EXOC7: variants seen among roughly 807,000 people sequenced by gnomAD.
EXOC7 encodes the protein exocyst complex component 7.
Under a neutral mutation model 87.6 loss-of-function variants are expected in EXOC7, and 51 were observed. That is an observed-to-expected ratio of 0.58 (90% CI 0.46 to 0.73). The LOEUF is 0.73. EXOC7 is among the 30% of genes least tolerant of loss of function. The probability of loss-of-function intolerance (pLI) is 0.00; values close to 1 mark genes in which losing one functional copy is unlikely to be tolerated. For synonymous variants in EXOC7, 327 were observed against 357.1 expected (o/e 0.92, Z 0.95); for missense variants, 744 against 888.4 (o/e 0.84, Z 2.07).
intron 2 of EXOC7, among the ~76,000 whole-genome samples, chr17:76,102,813 T>G (rs935127633): frequency 9.2e-5 from 14 of 152,114 alleles, no homozygotes; most frequent in African/African-American, 2.9e-4. Flanking sequence ...CATATGACCT[T>G]CACAGACACA....
Position 76,103,640 on chromosome 17 carries a change from A to C in EXOC7, c.53T>G (p.Leu18Arg), listed in dbSNP as rs1311297065. ...SARRREIEDK[L>R]KQEEETLSFI... ...CCCCAGGCCCACGCCCACCTGCTTC[A>C]GCTTGTCCTCAATCTCCCGCCGTCG... The change falls in exon 1 of 19, where the codon CTG (leucine) becomes CGG (arginine). Residue 18 changes from leucine to arginine, a missense_variant. Leu to Arg is a moderately radical substitution (Grantham distance 102). Transcript: ENST00000589210. 4 of 1,612,364 alleles carry C rather than the reference A, an allele frequency of 2.5e-6. No homozygotes were observed. The highest frequency in any genetic ancestry group is 3.4e-6 in the Non-Finnish European group (4 of 1,179,638).
chr17:76,096,272 C>G (rs961466557), intron 5 of EXOC7, among the ~76,000 whole-genome samples: 1 of 152,110 alleles, frequency 6.6e-6, no homozygotes, highest in African/African-American at 2.4e-5. Flanking sequence ...CCAGAACTTA[C>G]AGAGGCCGAG....
intron 12 of EXOC7, chr17:76,086,826 G>A (rs763457970): frequency 1.3e-6 from 2 of 1,549,592 alleles, no homozygotes; most frequent in African/African-American, 1.4e-5. Context: ...AGAGGGACAG[G>A]AGGGGGCTGC....
Position 76,082,430 on chromosome 17 carries a change from G to C in EXOC7, c.*1218C>G. ...CCGCTCATGTTGAGGGGACCTTGAAGAACAGCTCCTTTCCCTGTATCTCTC... is the reference window on the plus strand; with the variant it reads ...CCGCTCATGTTGAGGGGACCTTGAACAACAGCTCCTTTCCCTGTATCTCTC... On this transcript the variant is annotated 3_prime_UTR_variant, in exon 19 of 19. Transcript: ENST00000589210. 6.4e-7 allele frequency: 1 copy of C among 1,563,866 alleles called. No individual in the cohort carries two copies. The highest frequency in any genetic ancestry group is 2.3e-5 in the East Asian group (1 of 44,276).
rs1006440770 is a variant in EXOC7, at chr17:76,082,271, C to T, written c.*1377G>A. ...CCAGGTGACCTCAATCCCCTGATAA[C>T]CCATGCCTTGCACAGCCTAAGAGGG... On this transcript the variant is annotated 3_prime_UTR_variant, in exon 19 of 19. Coordinates refer to ENST00000589210, the MANE Select transcript of EXOC7 (RefSeq NM_001013839.4). 1.0e-5 allele frequency: 8 copies of T among 778,776 alleles called. No individual in the cohort carries two copies. Among genetic ancestry groups the T allele is most frequent in the Admixed American group, 3.0e-5 (1 of 33,420 alleles). 48.2% of individuals were successfully genotyped at this position (778,776 alleles called of 1,614,324 possible).
chr17:76,092,291 G>GTTTTTTTTT (rs71363610), intron 6 of EXOC7: 2 of 101,420 alleles, frequency 2.0e-5, no homozygotes, highest in African/African-American at 8.6e-5. Context: ...CAATTAGCTT[G>GTTTTTTTTT]TTTTTTTTTT....
intron 6 of EXOC7, chr17:76,091,489 G>T (rs958682800): frequency 4.1e-6 from 2 of 486,070 alleles, no homozygotes; most frequent in African/African-American, 2.0e-5. Context: ...AAGGACAGAG[G>T]GTAATGAAGA....
rs141724395 is a variant in EXOC7 at position 76,086,117 on chromosome 17, G to A, written c.1458C>T (p.Ser486=). The A allele has an allele frequency of 6.2e-7, 1 of 1,613,912 alleles. No individual in the cohort carries two copies. Among genetic ancestry groups the A allele is most frequent in the Non-Finnish European group, 8.5e-7 (1 of 1,180,038 alleles). The part of the protein sequence containing the change: ...QETSSSATSY[S]SEFSKRLLST... The stretch of plus-strand genomic sequence containing the variant: ...TTAGCAGCCGCTTGCTGAACTCAGA[G>A]CTGTAGCTGGTGGCCGAAGAGCTGG... Residue 486 remains serine, a synonymous_variant, in exon 13 of 19, where the codon AGC becomes AGT. Transcript: ENST00000589210.
chr17:76,090,567 C>T (rs2067433602), intron 7 of EXOC7: 2 of 1,319,018 alleles, frequency 1.5e-6, no homozygotes, highest in Non-Finnish European at 2.1e-6. Context: ...CCTCAAGCCA[C>T]CTTGGGAACA....
intron 12 of EXOC7, among the ~76,000 whole-genome samples, chr17:76,087,089 TAG>T (rs2067245921): frequency 6.6e-6 from 1 of 152,002 alleles, no homozygotes; most frequent in Non-Finnish European, 1.5e-5. Context: ...CCCTGGAAAG[TAG>T]AGAGCTGAGA....
rs769290492 is a variant in EXOC7, at chr17:76,091,228, G to C, written c.816C>G (p.Ile272Met). ...TKKPVKRPGT[I>M]RKAQNLLKQY... ...GTTTCAGAAGGTTCTGAGCCTTACG[G>C]ATCGTCCCTGTCACCAGAGCCACAC... is the stretch of plus-strand genomic sequence containing the variant. Residue 272 changes from isoleucine (I) to methionine (M), a missense_variant, in exon 7 of 19, where the codon ATC (isoleucine) becomes ATG (methionine). Ile to Met is a conservative substitution (Grantham distance 10, BLOSUM62 1). Around this residue, in one of 3 missense-constraint regions of EXOC7, gnomAD observed 512 missense variants for 573.0 expected, o/e 0.89. Coordinates refer to ENST00000589210, the MANE Select transcript of EXOC7 (RefSeq NM_001013839.4). 6.2e-7 allele frequency: 1 copy of C among 1,614,044 alleles called. No homozygotes were observed. The highest frequency in any genetic ancestry group is 8.5e-7 in the Non-Finnish European group (1 of 1,179,968).
At chr17:76,103,290 A>AC in intron 2 of EXOC7, 71 bp downstream of exon 2, 1 of 1,438,462 alleles carries the variant, frequency 7.0e-7, no homozygotes, top group Non-Finnish European at 9.5e-7. Flanking sequence ...AGGAACCGGA[A>AC]CCGCCAGGTC....
chr17:76,083,854 G>A (rs921355622), intron 18 of EXOC7, 104 bp from the exon 19 acceptor site: 16 of 1,493,728 alleles, frequency 1.1e-5, no homozygotes, highest in South Asian at 3.5e-5. Context: ...GGCCCTGAGC[G>A]ATTCCCTGTC....
intron 7 of EXOC7, 74 bp from the exon 8 acceptor site, chr17:76,089,394 C>T (rs1194168828): frequency 6.3e-7 from 1 of 1,578,234 alleles, no homozygotes; most frequent in African/African-American, 1.3e-5. Flanking sequence ...GCGTGGGTCC[C>T]CCAGCTCCTG....
intron 12 of EXOC7, among the ~76,000 whole-genome samples, chr17:76,086,496 A>T (rs2067218145): frequency 6.6e-6 from 1 of 152,128 alleles, no homozygotes; most frequent in Non-Finnish European, 1.5e-5. Flanking sequence ...GAGTCTTAGA[A>T]TGGGCTCCCC....
In EXOC7 at chr17:76,081,766, C is replaced by A. The variant is rs763816558; in HGVS notation, c.*1882G>T. 5 of 1,614,018 alleles carry A rather than the reference C, an allele frequency of 3.1e-6. 1 individual carries two copies. The Admixed American group carries it at 8.3e-5, about 27-fold the overall frequency. On this transcript the variant is annotated 3_prime_UTR_variant, in exon 19 of 19. Transcript: ENST00000589210. ...GCAACCCACTGCTCAGTAAGCCCTG[C>A]TCCCTTACCCAGTCTGCCCTGTTTC...
intron 12 of EXOC7, 60 bp downstream of exon 12, chr17:76,087,594 C>T: frequency 6.6e-7 from 1 of 1,509,530 alleles, no homozygotes; most frequent in Non-Finnish European, 9.0e-7. Context: ...GCCCTCTAAC[C>T]CCATGTCTCC....
Position 76,082,674 on chromosome 17 carries a change from A to G in EXOC7, c.*974T>C. ...TGTAAAGGGGCAGGGCCTGGGCTGC[A>G]CACCTTAGGATGAAGTTTGCTTTCC... On this transcript the variant is annotated 3_prime_UTR_variant, in exon 19 of 19. Coordinates refer to ENST00000589210, the MANE Select transcript of EXOC7 (RefSeq NM_001013839.4). The G allele has an allele frequency of 6.3e-7, 1 of 1,582,974 alleles. No homozygotes were observed. The highest frequency in any genetic ancestry group is 1.1e-5 in the South Asian group (1 of 87,098).
chr17:76,089,324 G>A lies in EXOC7; in HGVS notation c.902-4C>T. On this transcript the variant is annotated splice_region_variant and splice_polypyrimidine_tract_variant and intron_variant, in intron 7 of 18. Transcript: ENST00000589210. ...ACGTCCAGCATGTCATCTCTCCCTGGGGGATGGCACAACTCTTGAGCTGCT... is the reference window on the plus strand; with the variant it reads ...ACGTCCAGCATGTCATCTCTCCCTGAGGGATGGCACAACTCTTGAGCTGCT... 3.7e-6 allele frequency: 6 copies of A among 1,613,818 alleles called. No individual in the cohort carries two copies. The highest frequency in any genetic ancestry group is 5.1e-6 in the Non-Finnish European group (6 of 1,179,910).
Sources: gnomAD v4.1 joint callset for allele counts (sites outside exome capture counted in the v4.1 genomes callset) on GRCh38, gnomAD v4.1.1 for gene constraint, gnomAD v4.1.1 regional missense constraint, MANE v1.5 for transcripts, NCBI Gene and HGNC (gene_info 2026-07-23, HGNC 2026-07-21) for gene names.